RASSF5: variants seen among roughly 807,000 people sequenced by gnomAD.
RASSF5 encodes the protein Ras association domain family member 5.
RASSF5 carries 25 observed loss-of-function variants against 40.5 expected under a neutral mutation model. The ratio of observed to expected loss-of-function variants is 0.62; its 90% confidence interval spans 0.45 to 0.86. The LOEUF (loss-of-function observed/expected upper bound fraction) is 0.86. Among genes scored for constraint, RASSF5 ranks in the 40% least tolerant of loss-of-function variants. RASSF5 has a pLI of 0.00. For missense variants in RASSF5, 521 were observed against 572.8 expected (o/e 0.91, Z 0.92); for synonymous variants, 246 against 252.4 (o/e 0.97, Z 0.24).
rs191812329 is a variant in RASSF5 at position 206,531,389 on chromosome 1, T to G, written c.458-6783T>G. Reference sequence around the variant, plus strand: ...GGTGAGGTTGCAGAGGGAACAACTGTGTCTATTGTATGAGAACCTGAGTCT... The same window carrying G: ...GGTGAGGTTGCAGAGGGAACAACTGGGTCTATTGTATGAGAACCTGAGTCT... On this transcript the variant is annotated intron_variant, in intron 1 of 5. Transcript: ENST00000579436. The surrounding 1 kb of genome is among the most constrained non-coding windows in gnomAD (Gnocchi z 4.7). 2.6e-3 allele frequency among the ~76,000 whole-genome samples: 403 copies of G among 152,270 alleles called. 7 individuals are homozygous for G. The highest frequency in any genetic ancestry group is 5.1e-4 in the Non-Finnish European group (35 of 68,036).
intron 1 of RASSF5, among the ~76,000 whole-genome samples, chr1:206,523,721 ATTT>A (rs1666991714): frequency 1.9e-5 from 1 of 51,794 alleles, no homozygotes; most frequent in East Asian, 1.5e-3. Flanking sequence ...TATACAATAT[ATTT>A]ATATATTATA....
chr1:206,535,717 T>TGTG lies in RASSF5; in HGVS notation c.458-2454_458-2452dup. On this transcript the variant is annotated intron_variant, in intron 1 of 5. Transcript: ENST00000579436. This position sits in a 1 kb window ranked among gnomAD's most constrained non-coding sequence, Gnocchi z 5.0. ...TGTGTGTGTGTCTGTGTGTGTGTGGTGTGTGTGTGTGTGTGTGTGTGTGTG... is the reference window on the plus strand; with the variant it reads ...TGTGTGTGTGTCTGTGTGTGTGTGGTGTGGTGTGTGTGTGTGTGTGTGTGTGTG... 2.4e-5 allele frequency among the ~76,000 whole-genome samples: 2 copies of TGTG among 83,908 alleles called. 1 individual carries two copies. The highest frequency in any genetic ancestry group is 9.5e-3 in the Middle Eastern group (2 of 210). The allele number at this position is 83,908 out of a possible 152,430, so 55.0% of individuals were successfully genotyped here. A position where few individuals can be genotyped will look rare whatever the true frequency, so the allele number is the denominator to read the frequency against.
intron 2 of RASSF5, among the ~76,000 whole-genome samples, chr1:206,580,368 T>C (rs146270827): frequency 6.2e-4 from 94 of 152,334 alleles, no homozygotes; most frequent in African/African-American, 2.2e-3. Context: ...TTATTTTTTA[T>C]AGACAAGTAT....
chr1:206,507,781 G>C lies in RASSF5; in HGVS notation c.179G>C (p.Arg60Pro). Residue 60 changes from arginine to proline, a missense_variant, in exon 1 of 6, where the codon CGC becomes CCC. By Grantham distance (103) the Arg-to-Pro change is moderately radical. Around this residue, in one of 2 missense-constraint regions of RASSF5, gnomAD observed 237 missense variants for 212.0 expected, o/e 1.12. Coordinates refer to ENST00000579436, the MANE Select transcript of RASSF5 (RefSeq NM_182663.4). ...ACTGCGCCCGGGGCGCGCGAGGGGC[G>C]CAGCGCCCGGAGGGCTGCCCGGGGG... Reference protein sequence around the residue: ...LSTAPGAREGRSARRAARGNL... With the variant: ...LSTAPGAREGPSARRAARGNL... 1 of 1,390,938 alleles carries C rather than the reference G, an allele frequency of 7.2e-7. No individual in the cohort carries two copies. The allele number at this position is 1,390,938 out of a possible 1,614,324, so 86.2% of individuals were successfully genotyped here.
intron 2 of RASSF5, among the ~76,000 whole-genome samples, chr1:206,577,989 G>A (rs1001255915): frequency 2.0e-5 from 3 of 152,170 alleles, no homozygotes; most frequent in African/African-American, 7.2e-5. Flanking sequence ...TCGTGAGGCT[G>A]AAGTGAGAGT....
At chr1:206,564,014 A>G (rs1156758456) in intron 2 of RASSF5, among the ~76,000 whole-genome samples, 2 of 152,196 alleles carry the variant, frequency 1.3e-5, no homozygotes, top group African/African-American at 4.8e-5. Context: ...CTCCCTTCCC[A>G]TCCAGCTCAA....
chr1:206,581,126 C>T (rs1358923905), intron 2 of RASSF5: 1 of 152,258 alleles, frequency 6.6e-6, no homozygotes, highest in African/African-American at 2.4e-5. Context: ...CAGGGGACCA[C>T]AGGCATGTTT....
At chr1:206,581,521 C>G (rs1206628200) in intron 2 of RASSF5, among the ~76,000 whole-genome samples, 1 of 152,032 alleles carries the variant, frequency 6.6e-6, no homozygotes, top group Non-Finnish European at 1.5e-5. Flanking sequence ...ATTGCTTGAA[C>G]CTGGGAGGCA....
At chr1:206,553,980 C>A (rs782329219) in intron 2 of RASSF5, among the ~76,000 whole-genome samples, 3 of 152,140 alleles carry the variant, frequency 2.0e-5, no homozygotes, top group Admixed American at 6.5e-5. Context: ...CCTCCTTTTG[C>A]TTTCTGTAAA....
chr1:206,545,781 G>A (rs1303441792), intron 2 of RASSF5, among the ~76,000 whole-genome samples: 7 of 151,740 alleles, frequency 4.6e-5, no homozygotes, highest in African/African-American at 1.7e-4. Flanking sequence ...CATTAGCATG[G>A]CATTCCCTAA....
Position 206,509,434 on chromosome 1 carries a change from G to A in RASSF5, c.457+1375G>A, listed in dbSNP as rs540119196. On this transcript the variant is annotated intron_variant, in intron 1 of 5. Transcript: ENST00000579436. ...ATTAAGAAGGAAGGAGTAAAGGTTT[G>A]TAGAGGTACATGTTGTGGGTAGAGG... 2.0e-5 allele frequency among the ~76,000 whole-genome samples: 3 copies of A among 152,382 alleles called. No individual in the cohort carries two copies. The East Asian group carries it at 5.8e-4, about 29-fold the overall frequency.
rs58702671 is a variant in RASSF5 at position 206,529,386 on chromosome 1, G to A, written c.458-8786G>A. 0.022 allele frequency: 16,576 copies of A among 756,720 alleles called. 1,335 individuals carry two copies. The East Asian group carries it at 0.24, about 11-fold the overall frequency. The allele number at this position is 756,720 out of a possible 1,614,324, so 46.9% of individuals were successfully genotyped here. A position where few individuals can be genotyped will look rare whatever the true frequency, so the allele number is the denominator to read the frequency against. On this transcript the variant is annotated intron_variant, in intron 1 of 5. Transcript: ENST00000579436. ...TCAGCTGGTGGTGATTGCACATGAC[G>A]TGGATCCCATTGAGCTGGTCGTCTT...
At chr1:206,575,674 A>G (rs1467729101) in intron 2 of RASSF5, among the ~76,000 whole-genome samples, 1 of 152,162 alleles carries the variant, frequency 6.6e-6, no homozygotes, top group Non-Finnish European at 1.5e-5. Flanking sequence ...ACACCACCCT[A>G]TCTTATGTGT....
chr1:206,522,337 G>T (rs1027220409), intron 1 of RASSF5, among the ~76,000 whole-genome samples: 1 of 152,194 alleles, frequency 6.6e-6, no homozygotes, highest in Non-Finnish European at 1.5e-5. Context: ...CTCTCCCTGT[G>T]TATCTCTGAG....
intron 2 of RASSF5, among the ~76,000 whole-genome samples, chr1:206,540,390 C>G (rs1667515399): frequency 6.6e-6 from 1 of 152,246 alleles, no homozygotes; most frequent in Admixed American, 6.5e-5. Context: ...AGAGAGGAGT[C>G]AACCTTGGAA....
intron 2 of RASSF5, among the ~76,000 whole-genome samples, chr1:206,538,611 C>T (rs533891087): frequency 6.6e-6 from 1 of 152,308 alleles, no homozygotes; most frequent in East Asian, 1.9e-4. Context: ...TCCCTAAAGG[C>T]CTCATAGCCC....
At chr1:206,548,905 G>A (rs1237864836) in intron 2 of RASSF5, among the ~76,000 whole-genome samples, 2 of 152,016 alleles carry the variant, frequency 1.3e-5, no homozygotes, top group African/African-American at 2.4e-5. Context: ...TCGCTCTGTT[G>A]CCCGGGCTGG....
intron 2 of RASSF5, among the ~76,000 whole-genome samples, chr1:206,550,453 G>A (rs1667807932): frequency 6.6e-6 from 1 of 152,220 alleles, no homozygotes; most frequent in African/African-American, 2.4e-5. Context: ...AGTAGGTGCT[G>A]AAGAAGTCCT....
chr1:206,556,601 T>A (rs1667993253), intron 2 of RASSF5, among the ~76,000 whole-genome samples: 1 of 152,162 alleles, frequency 6.6e-6, no homozygotes, highest in Non-Finnish European at 1.5e-5. Context: ...CAGGCTCCTG[T>A]GTATCCTGAG....
Sources: gnomAD v4.1 joint callset for allele counts (sites outside exome capture counted in the v4.1 genomes callset) on GRCh38, gnomAD v4.1.1 for gene constraint, gnomAD v4.1.1 regional missense constraint, Gnocchi (gnomAD v3.1) non-coding constraint, MANE v1.5 for transcripts, NCBI Gene and HGNC (gene_info 2026-07-23, HGNC 2026-07-21) for gene names.